Variants in TNRC6C observed in about 807,000 individuals in gnomAD.
TNRC6C encodes trinucleotide repeat containing adaptor 6C.
Under a neutral mutation model 153.7 loss-of-function variants are expected in TNRC6C, and 20 were observed. The ratio of observed to expected loss-of-function variants is 0.13; its 90% CI spans 0.09 to 0.19. TNRC6C has a LOEUF of 0.19. TNRC6C is among the 10% of genes least tolerant of loss of function. TNRC6C has a pLI of 1.00. For missense variants in TNRC6C, 1,987 were observed against 2,172.0 expected (o/e 0.91, Z 1.69); for synonymous variants, 811 against 841.4 (o/e 0.96, Z 0.63).
chr17:78,067,205 A>G (rs1452122330), intron 4 of TNRC6C, among the ~76,000 whole-genome samples: 1 of 151,984 alleles, frequency 6.6e-6, no homozygotes, highest in Admixed American at 6.6e-5. Flanking sequence ...AATTAGCTGG[A>G]TGTGGTGGCA....
intron 3 of TNRC6C, among the ~76,000 whole-genome samples, chr17:78,054,071 C>G (rs991985593): frequency 5.3e-5 from 8 of 152,148 alleles, no homozygotes; most frequent in Non-Finnish European, 1.2e-4. Context: ...AGGCTACAAA[C>G]CTGCACAGCA....
chr17:78,013,447 A>T (rs189027596), intron 1 of TNRC6C, among the ~76,000 whole-genome samples: 1 of 152,350 alleles, frequency 6.6e-6, no homozygotes, highest in East Asian at 1.9e-4. Flanking sequence ...AGTAGGCAGA[A>T]CTTAGAAACT....
At chr17:78,004,451 A>G (rs1179760584), upstream of TNRC6C, among the ~76,000 whole-genome samples, 2 of 152,180 alleles carry the variant, frequency 1.3e-5, no homozygotes, top group East Asian at 1.9e-4. Flanking sequence ...GTAAATGTCT[A>G]ACTTGGAACT....
At chr17:78,051,907 G>T (rs147116413) in intron 3 of TNRC6C, among the ~76,000 whole-genome samples, 12 of 152,344 alleles carry the variant, frequency 7.9e-5, no homozygotes, top group Non-Finnish European at 1.6e-4. Context: ...CAAGTGTCCA[G>T]TGAGGACAAT....
At chr17:78,071,306 T>A in intron 6 of TNRC6C, 141 bp downstream of exon 8, 2 of 839,048 alleles carry the variant, frequency 2.4e-6, no homozygotes, top group East Asian at 2.7e-5. Flanking sequence ...ATCTAACTCT[T>A]AAATCTCCCT....
intron 1 of TNRC6C, among the ~76,000 whole-genome samples, chr17:78,013,836 G>A (rs2071679445): frequency 6.6e-6 from 1 of 152,150 alleles, no homozygotes; most frequent in African/African-American, 2.4e-5. Context: ...TAAACAAACA[G>A]GAAGCTATGA....
intron 1 of TNRC6C, among the ~76,000 whole-genome samples, chr17:77,996,810 C>T (rs1452705594): frequency 1.3e-5 from 2 of 152,038 alleles, no homozygotes; most frequent in Non-Finnish European, 1.5e-5. Context: ...CTGTGCCCTT[C>T]GATTAGTCAG....
chr17:78,093,149 C>T, intron 15 of TNRC6C, 25 bp downstream of exon 17: 1 of 1,606,950 alleles, frequency 6.2e-7, no homozygotes, highest in Non-Finnish European at 8.5e-7. Context: ...CACTTCTGTG[C>T]AACAGCAGCA....
chr17:78,082,812 C>G (rs2073206194), intron 10 of TNRC6C, among the ~76,000 whole-genome samples: 1 of 152,236 alleles, frequency 6.6e-6, no homozygotes, highest in African/African-American at 2.4e-5. Flanking sequence ...GGAAGCACAT[C>G]ACGCGCTGTT....
intron 1 of TNRC6C, among the ~76,000 whole-genome samples, chr17:77,985,675 C>A (rs189232316): frequency 6.6e-6 from 1 of 151,880 alleles, no homozygotes; most frequent in Non-Finnish European, 1.5e-5. Context: ...CTGTCTCTGA[C>A]CTCTAAACCC....
At chr17:78,010,983 C>T (rs536193946) in intron 1 of TNRC6C, among the ~76,000 whole-genome samples, 2 of 152,294 alleles carry the variant, frequency 1.3e-5, no homozygotes, top group Admixed American at 6.5e-5. Flanking sequence ...GGGCGCCTCC[C>T]GAGGGCACTT....
chr17:78,018,213 A>G (rs908451216), intron 1 of TNRC6C, among the ~76,000 whole-genome samples: 2 of 151,764 alleles, frequency 1.3e-5, no homozygotes, highest in Non-Finnish European at 2.9e-5. Flanking sequence ...TGCAACCTCC[A>G]CCTCCCGGGC....
chr17:78,059,029 G>A (rs1013102013), intron 3 of TNRC6C, among the ~76,000 whole-genome samples: 1 of 152,166 alleles, frequency 6.6e-6, no homozygotes, highest in African/African-American at 2.4e-5. Context: ...AAGATGAGAC[G>A]TGTATTGTTT....
chr17:78,063,318 A>G (rs1392134228), intron 3 of TNRC6C, among the ~76,000 whole-genome samples: 1 of 150,972 alleles, frequency 6.6e-6, no homozygotes, highest in Non-Finnish European at 1.5e-5. Context: ...TACACTTACT[A>G]TTCATTAGGT....
intron 1 of TNRC6C, among the ~76,000 whole-genome samples, chr17:77,995,590 T>C (rs774992153): frequency 6.6e-6 from 1 of 152,174 alleles, no homozygotes; most frequent in African/African-American, 2.4e-5. Flanking sequence ...CTAAGATTTC[T>C]TGCAAACAAT....
At chr17:78,073,768 A>G (rs933022069) in intron 7 of TNRC6C, among the ~76,000 whole-genome samples, 1 of 152,122 alleles carries the variant, frequency 6.6e-6, no homozygotes, top group Non-Finnish European at 1.5e-5. Flanking sequence ...GTTTCAAGAC[A>G]CCTTATTTAA....
At chr17:78,028,184 C>T (rs923117107) in intron 1 of TNRC6C, among the ~76,000 whole-genome samples, 2 of 152,150 alleles carry the variant, frequency 1.3e-5, no homozygotes, top group Non-Finnish European at 2.9e-5. Context: ...CGTGAGCCAT[C>T]GCCCCCCGCT....
chr17:78,087,284 T>C (rs1279120389), intron 13 of TNRC6C, among the ~76,000 whole-genome samples, 191 bp downstream of exon 15: 1 of 152,062 alleles, frequency 6.6e-6, no homozygotes, highest in Non-Finnish European at 1.5e-5. Flanking sequence ...AAAAAAATTT[T>C]TTAATTATTT....
At chr17:78,077,469 C>A in intron 9 of TNRC6C, 135 bp downstream of exon 11, 1 of 1,172,800 alleles carries the variant, frequency 8.5e-7, no homozygotes, top group Non-Finnish European at 1.2e-6. Context: ...AGTTGAAATA[C>A]TACCAGGATT....
Sources: gnomAD v4.1 joint callset for allele counts (sites outside exome capture counted in the v4.1 genomes callset) on GRCh38, gnomAD v4.1.1 for gene constraint, MANE v1.5 for transcripts, NCBI Gene and HGNC (gene_info 2026-07-23, HGNC 2026-07-21) for gene names.